The following HDX variants were observed in gnomAD, a reference collection of about 807,000 sequenced individuals.
The protein encoded by HDX is highly divergent homeobox.
In HDX, 19 loss-of-function variants were observed where a neutral mutation model predicts 45.2. The observed-to-expected ratio is 0.42, with a 90% CI of 0.29 to 0.62. The LOEUF (loss-of-function observed/expected upper bound fraction) is 0.62. HDX is among the 20% of genes least tolerant of loss of function. The probability of loss-of-function intolerance (pLI) is 0.20; values close to 1 mark genes in which losing one functional copy is unlikely to be tolerated. For missense variants in HDX, 532 were observed against 493.9 expected (o/e 1.08, Z -0.73); for synonymous variants, 188 against 172.8 (o/e 1.09, Z -0.69).
chrX:84,318,853 T>G lies in HDX; in HGVS notation c.*3036A>C, dbSNP rs953197330. The G allele has an allele frequency of 2.7e-5, 3 of 111,480 alleles. No individual in the cohort carries two copies. The highest frequency in any genetic ancestry group is 1.9e-4 in the Admixed American group (2 of 10,516). 9.2% of individuals were successfully genotyped at this position (111,480 alleles called of 1,213,427 possible). ...AAAATCCTGCTGTTGATAACTGACC[T>G]TAGGACAAAACATCCCCAGTTTCCA... On this transcript the variant is annotated 3_prime_UTR_variant, in exon 11 of 11. Transcript: ENST00000373177.
chrX:84,433,002 T>C (rs1365669214), intron 5 of HDX, among the ~76,000 whole-genome samples: 4 of 111,315 alleles, frequency 3.6e-5, no homozygotes, highest in African/African-American at 1.3e-4. Context: ...CTTTTCAGGT[T>C]ACTTATTTCT....
At chrX:84,387,004 T>C (rs975008022) in intron 5 of HDX, among the ~76,000 whole-genome samples, 5 of 111,551 alleles carry the variant, frequency 4.5e-5, no homozygotes, top group African/African-American at 1.6e-4. Context: ...TAACACTGGT[T>C]TAGCTTCACT....
At chrX:84,334,592 T>C (rs1187581097) in intron 8 of HDX, among the ~76,000 whole-genome samples, 1 of 106,375 alleles carries the variant, frequency 9.4e-6, no homozygotes, top group Non-Finnish European at 1.9e-5. Flanking sequence ...CAGTTCAGCG[T>C]TGATGAAAAA....
intron 6 of HDX, among the ~76,000 whole-genome samples, chrX:84,356,649 G>T (rs1185248074): frequency 1.3e-5 from 1 of 77,876 alleles, no homozygotes; most frequent in Non-Finnish European, 2.3e-5. Flanking sequence ...TTGAGATGGA[G>T]TCTTGCTCTG....
chrX:84,378,907 A>C lies in HDX; in HGVS notation c.1306-17295T>G, dbSNP rs1426698900. 3.6e-5 allele frequency among the ~76,000 whole-genome samples: 4 copies of C among 111,170 alleles called. No homozygotes were observed. The East Asian group carries it at 1.1e-3, about 31-fold the overall frequency. On this transcript the variant is annotated intron_variant, in intron 5 of 10. Coordinates refer to ENST00000373177, the MANE Select transcript of HDX (RefSeq NM_001177479.2). ...TGCATTTCATTAATCTGTTGTCTAC[A>C]AGAAACACACTTCACCTATAAAGAC...
intron 5 of HDX, among the ~76,000 whole-genome samples, chrX:84,431,222 G>C (rs1464809640): frequency 9.1e-6 from 1 of 110,218 alleles, no homozygotes; most frequent in Non-Finnish European, 1.9e-5. Context: ...TGGTGTATAT[G>C]TACCACATTT....
At chrX:84,351,120 C>T (rs1191464461) in intron 6 of HDX, among the ~76,000 whole-genome samples, 1 of 110,113 alleles carries the variant, frequency 9.1e-6, no homozygotes, top group Non-Finnish European at 1.9e-5. Context: ...CTTCCATTGA[C>T]ATCCAGTGGG....
At chrX:84,449,832 C>A (rs1569349611) in intron 4 of HDX, among the ~76,000 whole-genome samples, 1 of 111,094 alleles carries the variant, frequency 9.0e-6, no homozygotes, top group Non-Finnish European at 1.9e-5. Flanking sequence ...AAGGAAAGAA[C>A]AATCCTCAGC....
At chrX:84,496,382 G>C (rs1338549513) in intron 1 of HDX, among the ~76,000 whole-genome samples, 1 of 110,601 alleles carries the variant, frequency 9.0e-6, no homozygotes, top group Non-Finnish European at 1.9e-5. Flanking sequence ...ATACATATTA[G>C]TAAGTAACTG....
At chrX:84,495,327 T>C (rs966087116) in intron 1 of HDX, among the ~76,000 whole-genome samples, 1 of 110,977 alleles carries the variant, frequency 9.0e-6, no homozygotes, top group Non-Finnish European at 1.9e-5. Context: ...TGCTTGAAAA[T>C]TGCTAAGAGA....
At chrX:84,442,781 A>G (rs905053944) in intron 4 of HDX, among the ~76,000 whole-genome samples, 1 of 111,260 alleles carries the variant, frequency 9.0e-6, no homozygotes, top group African/African-American at 3.2e-5. Context: ...CATTAGTAAA[A>G]TAATTCAAAA....
intron 4 of HDX, among the ~76,000 whole-genome samples, chrX:84,449,591 G>A (rs764581382): frequency 3.0e-4 from 33 of 111,612 alleles, no homozygotes; most frequent in African/African-American, 4.6e-4. Context: ...AAATGAATAC[G>A]AAATAAAGTA....
At chrX:84,498,553 C>A (rs1232216203) in intron 1 of HDX, among the ~76,000 whole-genome samples, 1 of 111,468 alleles carries the variant, frequency 9.0e-6, no homozygotes, top group African/African-American at 3.3e-5. Flanking sequence ...AAATAAAAAT[C>A]AACAATTCAA....
At position 84,468,615 on chromosome X, in the gene HDX, T is replaced by G; in HGVS notation, c.1108A>C (p.Asn370His). 2 of 1,207,721 alleles carry G rather than the reference T, an allele frequency of 1.7e-6. No individual in the cohort carries two copies. Among genetic ancestry groups the G allele is most frequent in the Non-Finnish European group, 1.1e-6 (1 of 891,802 alleles). Residue 370 changes from asparagine (N) to histidine (H), a missense_variant, in exon 4 of 11, where the codon AAC (asparagine) becomes CAC (histidine). By Grantham distance (68) the Asn-to-His change is moderately conservative (BLOSUM62 1). Transcript: ENST00000373177. ...MSDNVLYQNR[N>H]YHLTPRTSLH... ...GAGGTCCGTGGTGTCAAATGGTAGT[T>G]TCTGTTTTGATACAGTACATTGTCT...
intron 5 of HDX, among the ~76,000 whole-genome samples, chrX:84,410,061 T>TG (rs2038948560): frequency 3.5e-4 from 6 of 17,001 alleles, no homozygotes; most frequent in Non-Finnish European, 7.2e-4. Context: ...TCAAAAAAGA[T>TG]TAAAAAAAAA....
chrX:84,487,462 T>C (rs1037430005), intron 2 of HDX, among the ~76,000 whole-genome samples: 1 of 111,907 alleles, frequency 8.9e-6, no homozygotes, highest in African/African-American at 3.2e-5. Flanking sequence ...CAACTGCAAA[T>C]ACTTTTTTTA....
chrX:84,404,669 G>C (rs1263685240), intron 5 of HDX, among the ~76,000 whole-genome samples: 3 of 111,261 alleles, frequency 2.7e-5, no homozygotes, highest in Non-Finnish European at 5.7e-5. Flanking sequence ...GAGTCAAAAG[G>C]AGAAAGCAGG....
chrX:84,344,077 A>G (rs2037145392), intron 7 of HDX, among the ~76,000 whole-genome samples, 173 bp downstream of exon 7: 1 of 111,851 alleles, frequency 8.9e-6, no homozygotes, highest in African/African-American at 3.2e-5. Flanking sequence ...TTTCCTTGTG[A>G]TGATGATGCA....
chrX:84,363,539 T>G lies in HDX; in HGVS notation c.1306-1927A>C, dbSNP rs893165322. 5.4e-5 allele frequency among the ~76,000 whole-genome samples: 6 copies of G among 112,038 alleles called. No individual in the cohort carries two copies. The Admixed American group carries it at 5.7e-4, about 11-fold the overall frequency. ...AAACTGACCTAAATAAAACCTGATT[T>G]GATTTGCTGGAAGTGTGCTGGGGTC... On this transcript the variant is annotated intron_variant, in intron 5 of 10. Transcript: ENST00000373177.
Sources: allele counts gnomAD v4.1 joint callset (sites outside exome capture counted in the v4.1 genomes callset), GRCh38; gene constraint gnomAD v4.1.1; transcripts MANE v1.5; gene names NCBI Gene and HGNC (gene_info 2026-07-23, HGNC 2026-07-21).